The following TM4SF4 variants were observed in gnomAD, a reference collection of about 807,000 sequenced individuals.
TM4SF4 encodes transmembrane 4 L6 family member 4.
TM4SF4 carries 24 observed loss-of-function variants against 24.1 expected under a neutral mutation model. The observed-to-expected ratio is 1.00, with a 90% CI of 0.72 to 1.40. The LOEUF is 1.40. Among genes scored for constraint, TM4SF4 ranks in the 40% most tolerant of loss-of-function variants. The probability of loss-of-function intolerance (pLI) is 0.00; values close to 1 mark genes in which losing one functional copy is unlikely to be tolerated. For missense variants in TM4SF4, 254 were observed against 254.2 expected, an observed-to-expected ratio of 1.00 and a Z score of 0.01; for synonymous variants, 113 against 97.0, an observed-to-expected ratio of 1.17 and a Z score of -0.97.
intron 3 of TM4SF4, among the ~76,000 whole-genome samples, chr3:149,490,933 C>T (rs774987596): frequency 6.6e-6 from 1 of 152,144 alleles, no homozygotes; most frequent in Non-Finnish European, 1.5e-5. Context: ...CTTCCCTCCC[C>T]TCTTTTTCTT....
chr3:149,495,805 G>T, intron 3 of TM4SF4: 1 of 211,002 alleles, frequency 4.7e-6, no homozygotes, highest in South Asian at 7.6e-5. Context: ...GAAATCCGGT[G>T]ATGCTGCCAT....
intron 4 of TM4SF4, among the ~76,000 whole-genome samples, chr3:149,499,363 A>T (rs1734374086): frequency 6.6e-6 from 1 of 152,170 alleles, no homozygotes; most frequent in African/African-American, 2.4e-5. Flanking sequence ...CCTATATTTG[A>T]TATGATTTCT....
At position 149,499,037 on chromosome 3, in the gene TM4SF4, A is replaced by G. The variant is rs1576523519; in HGVS notation, c.591+126A>G. 9.4e-6 allele frequency: 9 copies of G among 962,562 alleles called. 1 individual carries two copies. In the South Asian group the frequency reaches 1.5e-4, roughly 17 times the overall value. 59.6% of individuals were successfully genotyped at this position (962,562 alleles called of 1,614,324 possible). ...AGGGGGTAAGTGTGGCCACCTGCAG[A>G]AAACCAGCCCAGGTTGGGAAGCCCA... On this transcript the variant is annotated intron_variant, in intron 4 of 4. Coordinates refer to ENST00000305354, the MANE Select transcript of TM4SF4 (RefSeq NM_004617.4).
chr3:149,483,183 A>C (rs189161483), intron 2 of TM4SF4, among the ~76,000 whole-genome samples: 1 of 152,310 alleles, frequency 6.6e-6, no homozygotes, highest in African/African-American at 2.4e-5. Context: ...GCATTAGAAG[A>C]AACTGCCCTA....
chr3:149,487,840 C>G, intron 3 of TM4SF4, 85 bp downstream of exon 3: 1 of 1,548,580 alleles, frequency 6.5e-7, no homozygotes, highest in Non-Finnish European at 8.8e-7. Flanking sequence ...CACACAATGC[C>G]ATGTCTTCAT....
intron 2 of TM4SF4, 88 bp from the exon 3 acceptor site, chr3:149,487,531 C>T: frequency 6.6e-7 from 1 of 1,517,964 alleles, no homozygotes; most frequent in Non-Finnish European, 9.0e-7. Context: ...CTTGTAGTCA[C>T]CATGTTCAAC....
intron 2 of TM4SF4, among the ~76,000 whole-genome samples, chr3:149,483,123 A>G (rs889486696): frequency 3.0e-4 from 45 of 151,210 alleles, no homozygotes; most frequent in African/African-American, 1.1e-3. Context: ...CCATATGTCA[A>G]CAAATGTTTC....
rs1734139931 is a variant in TM4SF4, at chr3:149,487,559, T to C, written c.265-60T>C. On this transcript the variant is annotated intron_variant, in intron 2 of 4. Transcript: ENST00000305354. ...TGTTCAACAGCAGGTGGATTAGGTT[T>C]GTTGAGTGTATCCTCTGGACCACCT... The C allele has an allele frequency of 8.1e-6, 13 of 1,602,014 alleles. No individual in the cohort carries two copies. The South Asian group carries it at 1.2e-4, about 15-fold the overall frequency.
At chr3:149,476,884 T>C (rs1733942127) in intron 2 of TM4SF4, among the ~76,000 whole-genome samples, 1 of 147,524 alleles carries the variant, frequency 6.8e-6, no homozygotes, top group Non-Finnish European at 1.5e-5. Flanking sequence ...CACAGCAGGC[T>C]TGAACTTCTG....
At chr3:149,496,869 T>TAAAA (rs35385088) in intron 3 of TM4SF4, among the ~76,000 whole-genome samples, 2 of 142,544 alleles carry the variant, frequency 1.4e-5, no homozygotes. Flanking sequence ...TTATATAGAT[T>TAAAA]AAAAAAAAAA....
chr3:149,475,188 C>A, intron 1 of TM4SF4, 137 bp downstream of exon 1: 1 of 958,172 alleles, frequency 1.0e-6, no homozygotes, highest in South Asian at 1.8e-5. Context: ...GAGGTCAATG[C>A]CTTAATTTTT....
intron 4 of TM4SF4, 90 bp downstream of exon 4, chr3:149,499,001 C>A: frequency 1.4e-6 from 2 of 1,386,960 alleles, no homozygotes; most frequent in Non-Finnish European, 2.0e-6. Context: ...GCCACCAGCA[C>A]TGAAGGAATG....
chr3:149,479,237 AG>A (rs1382719041), intron 2 of TM4SF4, among the ~76,000 whole-genome samples: 18 of 152,098 alleles, frequency 1.2e-4, no homozygotes, highest in Non-Finnish European at 2.6e-4. Flanking sequence ...TGCTCTACTC[AG>A]TTAGGGTCCC....
chr3:149,477,357 A>C (rs1395693387), intron 2 of TM4SF4, among the ~76,000 whole-genome samples: 1 of 152,248 alleles, frequency 6.6e-6, no homozygotes, highest in East Asian at 1.9e-4. Context: ...CTGAAAAATG[A>C]GGAAGATCAG....
chr3:149,477,517 A>G (rs989771612), intron 2 of TM4SF4, among the ~76,000 whole-genome samples: 2 of 152,258 alleles, frequency 1.3e-5, no homozygotes, highest in African/African-American at 4.8e-5. Context: ...CTTTCTTAGC[A>G]TTATTTGTTC....
chr3:149,495,537 GA>G, intron 3 of TM4SF4: 5 of 390,546 alleles, frequency 1.3e-5, no homozygotes, highest in Admixed American at 3.0e-5. Flanking sequence ...TCTTCCTGGG[GA>G]AAATGTGGGC....
At chr3:149,481,303 G>T (rs912085735) in intron 2 of TM4SF4, among the ~76,000 whole-genome samples, 1 of 148,584 alleles carries the variant, frequency 6.7e-6, no homozygotes, top group Non-Finnish European at 1.5e-5. Context: ...AAGTGCCTAG[G>T]GTATGGAGGA....
chr3:149,480,810 C>T (rs1169629989), intron 2 of TM4SF4, among the ~76,000 whole-genome samples: 3 of 151,900 alleles, frequency 2.0e-5, no homozygotes, highest in African/African-American at 7.3e-5. Context: ...GATGTTTTCT[C>T]CCTAAGCTCC....
In TM4SF4 at chr3:149,482,002, C is replaced by A. The variant is rs533418242; in HGVS notation, c.265-5617C>A. On this transcript the variant is annotated intron_variant, in intron 2 of 4. Coordinates refer to ENST00000305354, the MANE Select transcript of TM4SF4 (RefSeq NM_004617.4). ...ACATTGATCAAGTGCTTGTTAATGTCATGGGAAATTATCCAAACCTTGGGA... is the reference window on the plus strand; with the variant it reads ...ACATTGATCAAGTGCTTGTTAATGTAATGGGAAATTATCCAAACCTTGGGA... Among the ~76,000 whole-genome samples, 4 of 152,292 alleles carry A rather than the reference C, an allele frequency of 2.6e-5. No homozygotes were observed. The South Asian group carries it at 8.3e-4, about 32-fold the overall frequency.
Sources: allele counts gnomAD v4.1 joint callset (sites outside exome capture counted in the v4.1 genomes callset), GRCh38; gene constraint gnomAD v4.1.1; transcripts MANE v1.5; gene names NCBI Gene and HGNC (gene_info 2026-07-23, HGNC 2026-07-21).